ALPK1: variants seen among roughly 807,000 people sequenced by gnomAD.
ALPK1 encodes the protein alpha kinase 1.
A neutral mutation model predicts 120.6 loss-of-function variants in ALPK1; 110 were observed. The ratio of observed to expected loss-of-function variants is 0.91; its 90% CI spans 0.78 to 1.07. The LOEUF (loss-of-function observed/expected upper bound fraction) is 1.07, where lower values mean the gene tolerates loss of function less well. ALPK1 is among the 50% of genes least tolerant of loss of function. ALPK1 has a pLI of 0.00. For synonymous variants in ALPK1, 582 were observed against 560.3 expected (o/e 1.04, Z -0.55); for missense variants, 1,498 against 1,483.9 (o/e 1.01, Z -0.16).
intron 4 of ALPK1, among the ~76,000 whole-genome samples, chr4:112,400,505 G>A (rs999514464): frequency 6.6e-6 from 1 of 152,130 alleles, no homozygotes; most frequent in Non-Finnish European, 1.5e-5. Flanking sequence ...CCCAATTGCC[G>A]GGCAGTAATG....
intron 2 of ALPK1, among the ~76,000 whole-genome samples, chr4:112,362,900 CT>C (rs749321194): frequency 6.6e-5 from 10 of 152,272 alleles, no homozygotes; most frequent in Non-Finnish European, 1.3e-4. Flanking sequence ...AGCAGAAACC[CT>C]ACATGCTAGA....
chr4:112,400,406 C>T (rs1032111723), intron 4 of ALPK1, among the ~76,000 whole-genome samples: 3 of 152,100 alleles, frequency 2.0e-5, no homozygotes, highest in Admixed American at 6.5e-5. Context: ...TCTCTTTTCT[C>T]AGTGAAATAA....
Position 112,429,279 on chromosome 4 carries a change from A to AC in ALPK1, c.900+31dup, listed in dbSNP as rs575044487. 130 of 1,572,546 alleles carry AC rather than the reference A, an allele frequency of 8.3e-5. No homozygotes were observed. The East Asian group carries it at 1.2e-3, about 15-fold the overall frequency. The stretch of plus-strand genomic sequence containing the variant: ...GTAAACGAATGCAGCCGCTCCTCAA[A>AC]CCCCCACAGGACCTCTCCCAGGGTG... On this transcript the variant is annotated intron_variant, in intron 10 of 15. Coordinates refer to ENST00000650871, the MANE Select transcript of ALPK1 (RefSeq NM_025144.4).
At chr4:112,413,505 A>G (rs570827681) in intron 5 of ALPK1, among the ~76,000 whole-genome samples, 1 of 152,280 alleles carries the variant, frequency 6.6e-6, no homozygotes, top group South Asian at 2.1e-4. Flanking sequence ...TGCAGCCTCG[A>G]CTTCTGGGGC....
In ALPK1 at chr4:112,435,190, C is replaced by T. The variant is rs200580178; in HGVS notation, c.3077C>T (p.Thr1026Met). 1.9e-4 allele frequency: 302 copies of T among 1,610,282 alleles called. No homozygotes were observed. The South Asian group carries it at 2.1e-3, about 11-fold the overall frequency. Residue 1026 changes from threonine (T) to methionine (M), a missense_variant, in exon 12 of 16, where the codon ACG becomes ATG. Physicochemically the swap from Thr to Met is moderately conservative, Grantham distance 81 (BLOSUM62 -1). Transcript: ENST00000650871. Reference sequence around the variant, plus strand: ...TATTCAAAAAAATCTGAACTGTGGACGGCCCAGGAAACTATTGTCTATTTG... The same window carrying T: ...TATTCAAAAAAATCTGAACTGTGGATGGCCCAGGAAACTATTGTCTATTTG... ...LKYSKKSELW[T>M]AQETIVYLGD...
chr4:112,440,624 T>TAA (rs1310387190), intron 14 of ALPK1, among the ~76,000 whole-genome samples: 1 of 152,234 alleles, frequency 6.6e-6, no homozygotes, highest in Non-Finnish European at 1.5e-5. Flanking sequence ...ATAATTATTC[T>TAA]AAGTATATTT....
chr4:112,372,872 G>A (rs1186207992), intron 2 of ALPK1, among the ~76,000 whole-genome samples: 2 of 152,116 alleles, frequency 1.3e-5, no homozygotes, highest in African/African-American at 4.8e-5. Context: ...GAATGATACA[G>A]CACTAAGAAA....
At chr4:112,379,182 C>T (rs1731793346) in intron 3 of ALPK1, among the ~76,000 whole-genome samples, 1 of 152,260 alleles carries the variant, frequency 6.6e-6, no homozygotes, top group African/African-American at 2.4e-5. Context: ...TGTGTTCTCC[C>T]TGATGAAGAC....
intron 9 of ALPK1, chr4:112,427,986 C>A: frequency 4.9e-6 from 1 of 205,858 alleles, no homozygotes; most frequent in Non-Finnish European, 9.9e-6. Context: ...AAACTTGGGC[C>A]ATCTTGATGA....
Position 112,430,652 on chromosome 4 carries a change from C to A in ALPK1, c.1105C>A (p.His369Asn), listed in dbSNP as rs1439018816. The part of the protein sequence containing the change: ...FGLTTVHRRL[H>N]GETGTVHAAS... ...TCTCACCACAGTGCACAGAAGGCTC[C>A]ATGGGGAGACAGGGACGGTCCATGC... The change falls in exon 11 of 16, where the codon CAT (histidine) becomes AAT (asparagine). Residue 369 changes from histidine (H) to asparagine (N), a missense_variant. His to Asn is a moderately conservative substitution (Grantham distance 68, BLOSUM62 1). Coordinates refer to ENST00000650871, the MANE Select transcript of ALPK1 (RefSeq NM_025144.4). 1 of 1,614,002 alleles carries A rather than the reference C, an allele frequency of 6.2e-7. No homozygotes were observed. Among genetic ancestry groups the A allele is most frequent in the African/African-American group, 1.3e-5 (1 of 74,902 alleles).
At chr4:112,379,453 T>C (rs1731807477) in intron 3 of ALPK1, among the ~76,000 whole-genome samples, 1 of 152,200 alleles carries the variant, frequency 6.6e-6, no homozygotes, top group Admixed American at 6.5e-5. Context: ...AGCGGAGCCA[T>C]TGGCAGCCGT....
intron 2 of ALPK1, among the ~76,000 whole-genome samples, chr4:112,326,808 T>G (rs1163976715): frequency 6.6e-6 from 1 of 152,216 alleles, no homozygotes; most frequent in Non-Finnish European, 1.5e-5. Context: ...CAGGGATTCA[T>G]TTAGAGCCCA....
rs760682247 is a variant in ALPK1, at chr4:112,430,575, A to G, written c.1028A>G (p.Glu343Gly). The G allele has an allele frequency of 1.2e-6, 2 of 1,614,066 alleles. No homozygotes were observed. The highest frequency in any genetic ancestry group is 1.7e-5 in the Admixed American group (1 of 60,006). The change falls in exon 11 of 16, where the codon GAG (glutamate) becomes GGG (glycine). Residue 343 changes from glutamate to glycine, a missense_variant. Glu to Gly is a moderately conservative substitution (Grantham distance 98). Transcript: ENST00000650871. The stretch of plus-strand genomic sequence containing the variant: ...GGCCTCCTCACCAAGAGAGATGATG[A>G]GCCTGTTACTGGAAAACAGGAGCTT... ...EIGLLTKRDD[E>G]PVTGKQELHS... is the part of the protein sequence containing the mutation.
chr4:112,359,159 G>A, intron 2 of ALPK1: 1 of 655,864 alleles, frequency 1.5e-6, no homozygotes, highest in Non-Finnish European at 2.8e-6. Flanking sequence ...ACCTCAACCA[G>A]GGCAGGCCCC....
intron 2 of ALPK1, chr4:112,359,466 C>T: frequency 3.6e-6 from 1 of 278,452 alleles, no homozygotes; most frequent in Non-Finnish European, 7.1e-6. Context: ...CCACAAGCAG[C>T]ACTTCTTGCC....
chr4:112,415,459 A>C (rs926508206), intron 5 of ALPK1, among the ~76,000 whole-genome samples: 1 of 152,160 alleles, frequency 6.6e-6, no homozygotes, highest in African/African-American at 2.4e-5. Context: ...AACATGGTGA[A>C]ACCCCATCTC....
chr4:112,356,004 T>C, intron 2 of ALPK1: 1 of 656,418 alleles, frequency 1.5e-6, no homozygotes, highest in Non-Finnish European at 2.8e-6. Flanking sequence ...CAGCGTTGTG[T>C]CCCAGTGTGC....
chr4:112,398,846 T>G (rs575342631), intron 4 of ALPK1, among the ~76,000 whole-genome samples: 1 of 152,056 alleles, frequency 6.6e-6, no homozygotes, highest in South Asian at 2.1e-4. Flanking sequence ...CCAACATGAT[T>G]TGCTGATGGA....
intron 1 of ALPK1, among the ~76,000 whole-genome samples, chr4:112,309,383 C>T (rs574586513): frequency 2.0e-5 from 3 of 152,174 alleles, no homozygotes; most frequent in Non-Finnish European, 4.4e-5. Flanking sequence ...CCTTGAGCTA[C>T]GGTGGGCTCC....
Sources: allele counts gnomAD v4.1 joint callset (sites outside exome capture counted in the v4.1 genomes callset), GRCh38; gene constraint gnomAD v4.1.1; transcripts MANE v1.5; gene names NCBI Gene and HGNC (gene_info 2026-07-23, HGNC 2026-07-21).